PCDHGA12: variants seen among roughly 807,000 people sequenced by gnomAD.
PCDHGA12 encodes protocadherin gamma subfamily A, 12, also known as protocadherin gamma-A12.
Under a neutral mutation model 61.1 loss-of-function variants are expected in PCDHGA12, and 43 were observed. The observed-to-expected ratio is 0.70, with a 90% CI of 0.55 to 0.91. The LOEUF (loss-of-function observed/expected upper bound fraction) is 0.91, where lower values mean the gene tolerates loss of function less well. Ranked by LOEUF, PCDHGA12 falls within the 40% of genes least tolerant of loss-of-function variation. The pLI, the probability that PCDHGA12 is intolerant of heterozygous loss-of-function variation, is 0.00. For missense variants in PCDHGA12, 1,236 were observed against 1,227.7 expected, an observed-to-expected ratio of 1.01 and a Z score of -0.10; for synonymous variants, 520 against 542.9, an observed-to-expected ratio of 0.96 and a Z score of 0.59.
Position 141,453,292 on chromosome 5 carries a change from T to A in PCDHGA12, c.2424+20109T>A, listed in dbSNP as rs141563552. The stretch of plus-strand genomic sequence containing the variant: ...CCATGACTGGCTAATTTTTTAATTA[T>A]TTATTTATTTATTTATTTATTTTAG... On this transcript the variant is annotated intron_variant, in intron 1 of 3. Transcript: ENST00000252085. Among the ~76,000 whole-genome samples, 253 of 151,810 alleles carry A rather than the reference T, an allele frequency of 1.7e-3. 1 individual carries two copies. The highest frequency in any genetic ancestry group is 2.6e-3 in the Non-Finnish European group (178 of 67,938).
chr5:141,492,851 C>T (rs1289268967), intron 1 of PCDHGA12, among the ~76,000 whole-genome samples: 2 of 152,204 alleles, frequency 1.3e-5, no homozygotes, highest in Non-Finnish European at 2.9e-5. Flanking sequence ...GTGAAAGCCT[C>T]GAGCGCCCTG....
At position 141,431,359 on chromosome 5, in the gene PCDHGA12, G is replaced by C; in HGVS notation, c.600G>C (p.Leu200=). ...KYPELVLKRA[L]DREEKAAHHL... is the part of the protein sequence containing the mutation. ...CCGAATTGGTGCTGAAACGCGCCCT[G>C]GACCGCGAAGAAAAGGCTGCTCACC... The change falls in exon 1 of 4, where the codon CTG becomes CTC. Residue 200 remains leucine, a synonymous_variant. Coordinates refer to ENST00000252085, the MANE Select transcript of PCDHGA12 (RefSeq NM_003735.3). This position sits in a 1 kb window ranked among gnomAD's most constrained non-coding sequence, Gnocchi z 4.8. The C allele has an allele frequency of 6.2e-7, 1 of 1,614,024 alleles. No homozygotes were observed. Among genetic ancestry groups the C allele is most frequent in the Non-Finnish European group, 8.5e-7 (1 of 1,180,030 alleles).
intron 2 of PCDHGA12, among the ~76,000 whole-genome samples, chr5:141,500,008 C>T (rs1027220192): frequency 6.6e-6 from 1 of 151,770 alleles, no homozygotes; most frequent in African/African-American, 2.4e-5. Flanking sequence ...TTCATAAGGT[C>T]CACATTTTAT....
At chr5:141,478,496 C>G in intron 1 of PCDHGA12, 1 of 1,613,014 alleles carries the variant, frequency 6.2e-7, no homozygotes, top group Non-Finnish European at 8.5e-7. Flanking sequence ...GAGCTGTGAT[C>G]CGGTGTTCTA....
intron 1 of PCDHGA12, among the ~76,000 whole-genome samples, chr5:141,456,985 A>C (rs2098902590): frequency 6.6e-6 from 1 of 152,204 alleles, no homozygotes; most frequent in Non-Finnish European, 1.5e-5. Context: ...ACAAACAAAC[A>C]AACAAAAACT....
chr5:141,507,559 G>T (rs542787142), intron 3 of PCDHGA12, among the ~76,000 whole-genome samples: 1 of 152,368 alleles, frequency 6.6e-6, no homozygotes, highest in African/African-American at 2.4e-5. Flanking sequence ...GTGGCAGGCG[G>T]CTGGGTCTGA....
intron 1 of PCDHGA12, 148 bp downstream of exon 1, chr5:141,433,331 C>G: frequency 1.4e-6 from 1 of 699,624 alleles, no homozygotes; most frequent in South Asian, 1.9e-5. Context: ...GTAACAGGGA[C>G]TACAGGTGCA....
intron 1 of PCDHGA12, among the ~76,000 whole-genome samples, chr5:141,450,830 T>TTTA (rs1554136905): frequency 6.9e-5 from 7 of 101,548 alleles, no homozygotes; most frequent in East Asian, 2.6e-4. Flanking sequence ...ATTATTATTA[T>TTTA]TTTTTTTTTT....
chr5:141,507,478 C>T (rs933478897), intron 3 of PCDHGA12, among the ~76,000 whole-genome samples: 5 of 152,158 alleles, frequency 3.3e-5, no homozygotes, highest in African/African-American at 1.2e-4. Flanking sequence ...GGACTGCTGG[C>T]CTCCTGAGGC....
intron 2 of PCDHGA12, among the ~76,000 whole-genome samples, chr5:141,502,866 C>CTCTTTTTTT (rs1554188502): frequency 7.8e-6 from 1 of 128,046 alleles, no homozygotes; most frequent in African/African-American, 3.1e-5. Context: ...GACTCTCTGT[C>CTCTTTTTTT]TTTTTTTTTT....
At position 141,489,358 on chromosome 5, in the gene PCDHGA12, G is replaced by A; in HGVS notation, c.2425-5449G>A. On this transcript the variant is annotated intron_variant, in intron 1 of 3. Transcript: ENST00000252085. This position sits in a 1 kb window ranked among gnomAD's most constrained non-coding sequence, Gnocchi z 4.5. ...TCGTTACTCAGTGGTGGAGGAGTCT[G>A]AGCCGGGGACGCTGGTGGGGAATGT... 1 of 1,613,144 alleles carries A rather than the reference G, an allele frequency of 6.2e-7. No individual in the cohort carries two copies. The highest frequency in any genetic ancestry group is 8.5e-7 in the Non-Finnish European group (1 of 1,179,278).
At chr5:141,453,959 C>A (rs919037104) in intron 1 of PCDHGA12, among the ~76,000 whole-genome samples, 1 of 152,182 alleles carries the variant, frequency 6.6e-6, no homozygotes, top group African/African-American at 2.4e-5. Flanking sequence ...GCACAGACAG[C>A]AAAGCATGTA....
At chr5:141,460,231 G>A (rs911633731) in intron 1 of PCDHGA12, among the ~76,000 whole-genome samples, 3 of 152,028 alleles carry the variant, frequency 2.0e-5, no homozygotes, top group Non-Finnish European at 4.4e-5. Context: ...CTTTTGAAGA[G>A]CAGAAGATGT....
rs112156044 is a variant in PCDHGA12, at chr5:141,476,771, G to T, written c.2425-18036G>T. ...CCAGTTAGTGCTGACGGCGTTGGAC[G>T]GAGGGACCCCAGCTCTCTCCGCCAG... On this transcript the variant is annotated intron_variant, in intron 1 of 3. Coordinates refer to ENST00000252085, the MANE Select transcript of PCDHGA12 (RefSeq NM_003735.3). The surrounding 1 kb of genome is among the most constrained non-coding windows in gnomAD (Gnocchi z 7.6). The T allele has an allele frequency of 6.2e-7, 1 of 1,613,700 alleles. No homozygotes were observed. The highest frequency in any genetic ancestry group is 1.1e-5 in the South Asian group (1 of 91,084).
rs1330659052 is a variant in PCDHGA12, at chr5:141,490,012, G to T, written c.2425-4795G>T. On this transcript the variant is annotated intron_variant, in intron 1 of 3. Transcript: ENST00000252085. The surrounding 1 kb of genome is among the most constrained non-coding windows in gnomAD (Gnocchi z 5.4). ...GGGAATCCCAGAGAATGCACCCATT[G>T]GTACTCTGCTGCTCCGCCTCAATGC... The T allele has an allele frequency of 1.2e-6, 2 of 1,614,232 alleles. No homozygotes were observed. Among genetic ancestry groups the T allele is most frequent in the East Asian group, 4.5e-5 (2 of 44,888 alleles).
At chr5:141,462,280 C>T (rs927977920) in intron 1 of PCDHGA12, among the ~76,000 whole-genome samples, 15 of 152,146 alleles carry the variant, frequency 9.9e-5, no homozygotes, top group African/African-American at 3.4e-4. Context: ...TGTTTAGTCA[C>T]CAAATATGTA....
At chr5:141,472,786 G>A (rs549389294) in intron 1 of PCDHGA12, among the ~76,000 whole-genome samples, 1 of 151,888 alleles carries the variant, frequency 6.6e-6, no homozygotes, top group Non-Finnish European at 1.5e-5. Flanking sequence ...GGGAGTTCAA[G>A]ATCAGCCTGA....
At chr5:141,469,362 G>C (rs915161729) in intron 1 of PCDHGA12, among the ~76,000 whole-genome samples, 14 of 152,084 alleles carry the variant, frequency 9.2e-5, no homozygotes, top group Non-Finnish European at 7.4e-5. Flanking sequence ...GGATCATGAG[G>C]TAAAGAGATC....
chr5:141,490,380 T>A lies in PCDHGA12; in HGVS notation c.2425-4427T>A. On this transcript the variant is annotated intron_variant, in intron 1 of 3. Coordinates refer to ENST00000252085, the MANE Select transcript of PCDHGA12 (RefSeq NM_003735.3). The surrounding 1 kb of genome is among the most constrained non-coding windows in gnomAD (Gnocchi z 5.4). ...TTAATGTGCGAGACCGGGACTCAGG[T>A]AGAAATGGTGAAGTGAGCCTTGATA... 6.2e-7 allele frequency: 1 copy of A among 1,614,204 alleles called. No homozygotes were observed. The highest frequency in any genetic ancestry group is 1.7e-5 in the Admixed American group (1 of 60,026).
Sources: allele counts gnomAD v4.1 joint callset (sites outside exome capture counted in the v4.1 genomes callset), GRCh38; gene constraint gnomAD v4.1.1; non-coding constraint Gnocchi (gnomAD v3.1); transcripts MANE v1.5; gene names NCBI Gene and HGNC (gene_info 2026-07-23, HGNC 2026-07-21).